ABL1: variants seen among roughly 807,000 people sequenced by gnomAD.
ABL1 encodes the protein tyrosine-protein kinase ABL1.
ABL1 carries 11 observed loss-of-function variants against 94.7 expected under a neutral mutation model. That is an observed-to-expected ratio of 0.12 (90% CI 0.07 to 0.19). ABL1 has a LOEUF of 0.19. ABL1 is among the 10% of genes least tolerant of loss of function. ABL1 has a pLI of 1.00. For missense variants in ABL1, 1,082 were observed against 1,489.4 expected (o/e 0.73, Z 4.50); for synonymous variants, 656 against 622.4 (o/e 1.05, Z -0.80).
chr9:130,792,640 C>T (rs1386070641), intron 1 of ABL1, among the ~76,000 whole-genome samples: 1 of 152,112 alleles, frequency 6.6e-6, no homozygotes, highest in Non-Finnish European at 1.5e-5. Context: ...TAGGACATTT[C>T]AAGAGATAGT....
intron 1 of ABL1, among the ~76,000 whole-genome samples, chr9:130,743,203 G>A (rs1306588007): frequency 6.6e-6 from 1 of 152,132 alleles, no homozygotes; most frequent in Non-Finnish European, 1.5e-5. Context: ...CTCCCAAGTA[G>A]CCAGGATTAC....
At chr9:130,785,603 G>A (rs2132795028) in intron 1 of ABL1, among the ~76,000 whole-genome samples, 1 of 151,910 alleles carries the variant, frequency 6.6e-6, no homozygotes, top group East Asian at 1.9e-4. Context: ...TGTACCCCTG[G>A]GTCCTCTTTT....
chr9:130,770,886 G>A (rs558444754), intron 1 of ABL1, among the ~76,000 whole-genome samples: 8 of 152,234 alleles, frequency 5.3e-5, no homozygotes, highest in South Asian at 2.1e-4. Context: ...GTGAATTACC[G>A]ACTCTGGGTC....
At chr9:130,742,456 G>A (rs1287622060) in intron 1 of ABL1, among the ~76,000 whole-genome samples, 1 of 152,150 alleles carries the variant, frequency 6.6e-6, no homozygotes, top group Non-Finnish European at 1.5e-5. Context: ...TACAGATGAT[G>A]GGCCGTGCTT....
At chr9:130,717,873 C>T (rs542830146) in intron 1 of ABL1, among the ~76,000 whole-genome samples, 8 of 152,028 alleles carry the variant, frequency 5.3e-5, no homozygotes, top group East Asian at 3.9e-4. Context: ...ATTAGCCGGG[C>T]GTGGTGGCAC....
chr9:130,743,604 A>G (rs1251061260), intron 1 of ABL1, among the ~76,000 whole-genome samples: 1 of 152,214 alleles, frequency 6.6e-6, no homozygotes, highest in East Asian at 1.9e-4. Flanking sequence ...TAGCAGAAGT[A>G]TTTTTATTAC....
intron 1 of ABL1, among the ~76,000 whole-genome samples, chr9:130,837,331 T>C (rs1015004547): frequency 9.2e-5 from 14 of 152,236 alleles, no homozygotes; most frequent in Non-Finnish European, 1.8e-4. Flanking sequence ...ATCTCCACTT[T>C]GCAGATGGGT....
At chr9:130,756,321 A>T (rs1253973512) in intron 1 of ABL1, among the ~76,000 whole-genome samples, 1 of 119,220 alleles carries the variant, frequency 8.4e-6, no homozygotes, top group Non-Finnish European at 1.6e-5. Flanking sequence ...TTTGTATGGA[A>T]GTTTTAATTT....
intron 1 of ABL1, among the ~76,000 whole-genome samples, chr9:130,843,785 C>T (rs1379056023): frequency 6.6e-6 from 1 of 151,924 alleles, no homozygotes; most frequent in Non-Finnish European, 1.5e-5. Flanking sequence ...TCAGGAGAGG[C>T]AAGCAACAGG....
In ABL1 at chr9:130,814,625, C is replaced by T. The variant is rs1228895909; in HGVS notation, c.137-39439C>T. On this transcript the variant is annotated intron_variant, in intron 1 of 10. Coordinates refer to the ABL1 transcript ENST00000372348. The surrounding 1 kb of genome is among the most constrained non-coding windows in gnomAD (Gnocchi z 4.4). ...GGGCGCAGTGGCTTACGCCTGTAAT[C>T]CCAGCACTTTGGTAGGCCGAGGTGG... Among the ~76,000 whole-genome samples the T allele has an allele frequency of 6.6e-6, 1 of 152,254 alleles. No homozygotes were observed. The highest frequency in any genetic ancestry group is 1.5e-5 in the Non-Finnish European group (1 of 68,044).
In ABL1 at chr9:130,735,957, A is replaced by ATTTTTTT. The variant is rs1238756333; in HGVS notation, c.136+21503_136+21504insTTTTTTT. Among the ~76,000 whole-genome samples the ATTTTTTT allele has an allele frequency of 8.7e-3, 379 of 43,762 alleles. 6 individuals carry two copies. Among genetic ancestry groups the ATTTTTTT allele is most frequent in the African/African-American group, 0.044 (363 of 8,264 alleles). The allele number at this position is 43,762 out of a possible 152,430, so 28.7% of individuals were successfully genotyped here. On this transcript the variant is annotated intron_variant, in intron 1 of 10. Coordinates refer to the ABL1 transcript ENST00000372348. Reference sequence around the variant, plus strand: ...TGCATATATATATATATATATATATATATATTTTTTTTTTTTAAGACAGGG... The same window carrying ATTTTTTT: ...TGCATATATATATATATATATATATATTTTTTTTATATTTTTTTTTTTTAAGACAGGG...
chr9:130,735,278 C>T (rs1429753895), intron 1 of ABL1, among the ~76,000 whole-genome samples: 1 of 152,172 alleles, frequency 6.6e-6, no homozygotes, highest in African/African-American at 2.4e-5. Flanking sequence ...GATCAGCCTG[C>T]CTCAGCCTCC....
At chr9:130,772,125 G>T (rs2132768520) in intron 1 of ABL1, among the ~76,000 whole-genome samples, 1 of 152,268 alleles carries the variant, frequency 6.6e-6, no homozygotes, top group Non-Finnish European at 1.5e-5. Context: ...TTTCAGTTGT[G>T]ATTCTCTTGA....
intron 1 of ABL1, among the ~76,000 whole-genome samples, chr9:130,810,475 G>A (rs755566494): frequency 3.9e-5 from 6 of 152,006 alleles, no homozygotes; most frequent in South Asian, 2.1e-4. Flanking sequence ...CAACCTGGGC[G>A]AGAGAGCAAG....
At chr9:130,755,812 C>T (rs994963199) in intron 1 of ABL1, among the ~76,000 whole-genome samples, 4 of 152,194 alleles carry the variant, frequency 2.6e-5, no homozygotes, top group African/African-American at 4.8e-5. Context: ...TCTTCCTGGC[C>T]TCCAGAGATC....
In ABL1 at chr9:130,719,841, T is replaced by G. The variant is rs150996382; in HGVS notation, c.136+5386T>G. On this transcript the variant is annotated intron_variant, in intron 1 of 10. Transcript: ENST00000372348. The stretch of plus-strand genomic sequence containing the variant: ...CTGGAAGCCAAGAATAGCGTTGGTG[T>G]TGTTGTTGATGGTGAATCTGAAAGA... 5.1e-4 allele frequency among the ~76,000 whole-genome samples: 78 copies of G among 152,322 alleles called. No individual in the cohort carries two copies. In the East Asian group the frequency reaches 8.7e-3, roughly 17 times the overall value.
intron 10 of ABL1, among the ~76,000 whole-genome samples, chr9:130,881,293 G>A (rs1419635395): frequency 6.6e-6 from 1 of 152,182 alleles, no homozygotes; most frequent in Non-Finnish European, 1.5e-5. Context: ...AGCAGTCCAG[G>A]TTCTGCTGCA....
rs189898885 is a variant in ABL1, at chr9:130,751,435, G to A, written c.136+36980G>A. On this transcript the variant is annotated intron_variant, in intron 1 of 10. Transcript: ENST00000372348. ...TGGGATTACAGGCATGAACCACCGC[G>A]CCTGGCCAAACCTACTATTTTTAAT... 5.8e-3 allele frequency among the ~76,000 whole-genome samples: 876 copies of A among 152,066 alleles called. 10 individuals are homozygous for A. Among genetic ancestry groups the A allele is most frequent in the South Asian group, 0.018 (87 of 4,816 alleles).
intron 1 of ABL1, among the ~76,000 whole-genome samples, chr9:130,767,852 C>T (rs1365057528): frequency 6.6e-6 from 1 of 152,196 alleles, no homozygotes; most frequent in Non-Finnish European, 1.5e-5. Flanking sequence ...AATAAAGTTT[C>T]ATGCAGAAGA....
Sources: gnomAD v4.1 joint callset for allele counts (sites outside exome capture counted in the v4.1 genomes callset) on GRCh38, gnomAD v4.1.1 for gene constraint, Gnocchi (gnomAD v3.1) non-coding constraint, MANE v1.5 for transcripts, NCBI Gene and HGNC (gene_info 2026-07-23, HGNC 2026-07-21) for gene names.